Variants in NCOA2 observed in about 807,000 individuals in gnomAD.
NCOA2 encodes the protein nuclear receptor coactivator 2, also known as class E basic helix-loop-helix protein 75.
A neutral mutation model predicts 145.1 loss-of-function variants in NCOA2; 21 were observed. That is an observed-to-expected ratio of 0.14 (90% CI 0.10 to 0.21). NCOA2 has a LOEUF of 0.21. Among genes scored for constraint, NCOA2 ranks in the 10% least tolerant of loss-of-function variants. The pLI is 1.00. For synonymous variants in NCOA2, 619 were observed against 637.5 expected (o/e 0.97, Z 0.44); for missense variants, 1,472 against 1,837.6 (o/e 0.80, Z 3.64).
At chr8:70,402,412 C>G (rs1814366858) in intron 1 of NCOA2, 1 of 152,464 alleles carries the variant, frequency 6.6e-6, no homozygotes, top group Admixed American at 6.5e-5. Context: ...GGCTCCAGTC[C>G]CCGATTCCCG....
At chr8:70,237,271 A>G (rs1821707609) in intron 2 of NCOA2, among the ~76,000 whole-genome samples, 1 of 152,194 alleles carries the variant, frequency 6.6e-6, no homozygotes, top group South Asian at 2.1e-4. Flanking sequence ...CACAGCCAAC[A>G]GCTGGCAGAA....
At chr8:70,448,209 C>A in the NCOA2 span, among the ~76,000 whole-genome samples, 2 of 151,972 alleles carry the variant, frequency 1.3e-5, no homozygotes, top group South Asian at 4.1e-4. Context: ...CTGAGGAAAT[C>A]ATTTATGAAA....
At chr8:70,265,977 C>T (rs1824547590) in intron 2 of NCOA2, among the ~76,000 whole-genome samples, 1 of 151,838 alleles carries the variant, frequency 6.6e-6, no homozygotes, top group African/African-American at 2.4e-5. Flanking sequence ...GTCTCTAATA[C>T]AAAAATCTCT....
intron 1 of NCOA2, among the ~76,000 whole-genome samples, chr8:70,323,241 A>G (rs1247717948): frequency 1.3e-5 from 2 of 152,254 alleles, no homozygotes; most frequent in Non-Finnish European, 2.9e-5. Context: ...GCCTGAGTAG[A>G]GTTTACCATC....
At chr8:70,202,933 C>A (rs1056575943) in intron 4 of NCOA2, among the ~76,000 whole-genome samples, 6 of 152,100 alleles carry the variant, frequency 3.9e-5, no homozygotes, top group Non-Finnish European at 8.8e-5. Flanking sequence ...TAGCTTATGC[C>A]TATAATCCCA....
intron 11 of NCOA2, 128 bp from the exon 12 acceptor site, chr8:70,148,611 C>A: frequency 1.4e-6 from 1 of 732,194 alleles, no homozygotes; most frequent in Non-Finnish European, 2.2e-6. Context: ...TTCCTGCATA[C>A]CACAGGCCTA....
the NCOA2 span, among the ~76,000 whole-genome samples, chr8:70,441,122 G>GAGAA: frequency 5.8e-5 from 8 of 136,910 alleles, no homozygotes; most frequent in South Asian, 7.0e-4. Flanking sequence ...AAGAAAGAAA[G>GAGAA]AGAAAGAAAG....
At chr8:70,435,893 G>A in the NCOA2 span, among the ~76,000 whole-genome samples, 1 of 151,948 alleles carries the variant, frequency 6.6e-6, no homozygotes, top group Non-Finnish European at 1.5e-5. Context: ...CTAACTCCTA[G>A]GCTTAAGCAA....
At chr8:70,212,202 T>C (rs1586118839) in intron 4 of NCOA2, among the ~76,000 whole-genome samples, 1 of 152,184 alleles carries the variant, frequency 6.6e-6, no homozygotes, top group Middle Eastern at 3.4e-3. Flanking sequence ...ATGATTTCTT[T>C]ACTGTAATGA....
At position 70,310,346 on chromosome 8, in the gene NCOA2, C is replaced by CAAA. The variant is rs34849703; in HGVS notation, c.-76-13549_-76-13547dup. 8.1e-3 allele frequency among the ~76,000 whole-genome samples: 588 copies of CAAA among 72,272 alleles called. 6 individuals carry two copies. The highest frequency in any genetic ancestry group is 0.041 in the East Asian group (121 of 2,932). 47.4% of individuals were successfully genotyped at this position (72,272 alleles called of 152,430 possible). A position where few individuals can be genotyped will look rare whatever the true frequency, so the allele number is the denominator to read the frequency against. Reference sequence around the variant, plus strand: ...GTGACAGAGCAAGACTCTGTCTTCCCAAAAAAAAAAAAAAAAAAAAAATCT... The same window carrying CAAA: ...GTGACAGAGCAAGACTCTGTCTTCCCAAAAAAAAAAAAAAAAAAAAAAAAATCT... On this transcript the variant is annotated intron_variant, in intron 1 of 22. Coordinates refer to ENST00000452400, the MANE Select transcript of NCOA2 (RefSeq NM_006540.4).
chr8:70,434,817 C>T, the NCOA2 span, among the ~76,000 whole-genome samples: 1 of 152,120 alleles, frequency 6.6e-6, no homozygotes, highest in Non-Finnish European at 1.5e-5. Context: ...GCCATCCTCC[C>T]ACCTTGGTTT....
At chr8:70,443,137 A>G in the NCOA2 span, among the ~76,000 whole-genome samples, 1 of 152,132 alleles carries the variant, frequency 6.6e-6, no homozygotes, top group African/African-American at 2.4e-5. Flanking sequence ...GGCTGAGGTG[A>G]TAGGCTCGCT....
At chr8:70,230,915 C>A (rs1474712301) in intron 2 of NCOA2, among the ~76,000 whole-genome samples, 1 of 152,160 alleles carries the variant, frequency 6.6e-6, no homozygotes, top group Non-Finnish European at 1.5e-5. Flanking sequence ...TCCACCATGT[C>A]ATTAAATGTC....
the NCOA2 span, among the ~76,000 whole-genome samples, chr8:70,444,596 C>T: frequency 6.6e-6 from 1 of 152,256 alleles, no homozygotes; most frequent in East Asian, 1.9e-4. Flanking sequence ...TATAATTATG[C>T]AAGACATTGT....
At chr8:70,408,018 A>G (rs187489282), upstream of NCOA2, among the ~76,000 whole-genome samples, 42 of 152,178 alleles carry the variant, frequency 2.8e-4, no homozygotes, top group Admixed American at 2.4e-3. Flanking sequence ...CCCTCTATTC[A>G]TACCTCCCTT....
At chr8:70,128,305 ATG>A in intron 18 of NCOA2, 126 bp downstream of exon 18, 1 of 723,082 alleles carries the variant, frequency 1.4e-6, no homozygotes, top group Non-Finnish European at 2.3e-6. Context: ...AGGTAACTAG[ATG>A]ACAGTACAGG....
At chr8:70,454,542 C>A in the NCOA2 span, among the ~76,000 whole-genome samples, 2 of 152,262 alleles carry the variant, frequency 1.3e-5, no homozygotes, top group East Asian at 1.9e-4. Flanking sequence ...GCTAAATTAC[C>A]TTGGAACACA....
At chr8:70,192,013 G>T (rs1279124533) in intron 4 of NCOA2, among the ~76,000 whole-genome samples, 1 of 152,166 alleles carries the variant, frequency 6.6e-6, no homozygotes, top group African/African-American at 2.4e-5. Context: ...CTGCACTCCA[G>T]CCTGGGCGAG....
At chr8:70,277,262 T>C (rs1486812391) in intron 2 of NCOA2, among the ~76,000 whole-genome samples, 6 of 152,330 alleles carry the variant, frequency 3.9e-5, no homozygotes, top group South Asian at 2.1e-4. Context: ...TCACTAAAGC[T>C]TGAGTGATCC....
Sources: gnomAD v4.1 joint callset for allele counts (sites outside exome capture counted in the v4.1 genomes callset) on GRCh38, gnomAD v4.1.1 for gene constraint, MANE v1.5 for transcripts, NCBI Gene and HGNC (gene_info 2026-07-23, HGNC 2026-07-21) for gene names.